The following CNTNAP2 variants were observed in gnomAD, a reference collection of about 807,000 sequenced individuals.
The protein encoded by CNTNAP2 is contactin-associated protein-like 2.
CNTNAP2 carries 98 observed loss-of-function variants against 155.2 expected under a neutral mutation model. The ratio of observed to expected loss-of-function variants is 0.63; its 90% confidence interval spans 0.54 to 0.75. The LOEUF is 0.75. Ranked by LOEUF, CNTNAP2 falls within the 30% of genes least tolerant of loss-of-function variation. CNTNAP2 has a pLI of 0.00. For synonymous variants in CNTNAP2, 651 were observed against 631.2 expected, an observed-to-expected ratio of 1.03 and a Z score of -0.47; for missense variants, 1,727 against 1,688.1, an observed-to-expected ratio of 1.02 and a Z score of -0.40.
At chr7:146,425,716 G>A (rs1187803325) in intron 1 of CNTNAP2, among the ~76,000 whole-genome samples, 1 of 152,174 alleles carries the variant, frequency 6.6e-6, no homozygotes, top group Non-Finnish European at 1.5e-5. Context: ...TGAGGGATAA[G>A]ATGTGCCAGA....
intron 1 of CNTNAP2, among the ~76,000 whole-genome samples, chr7:146,318,952 A>T (rs1316684115): frequency 6.6e-6 from 1 of 152,172 alleles, no homozygotes; most frequent in African/African-American, 2.4e-5. Context: ...CAGTCCTTGG[A>T]GACAGATATC....
intron 19 of CNTNAP2, among the ~76,000 whole-genome samples, chr7:148,221,926 T>C (rs577271505): frequency 6.6e-6 from 1 of 152,226 alleles, no homozygotes; most frequent in Admixed American, 6.5e-5. Flanking sequence ...CCCAGTAGTG[T>C]TTACGTCATG....
intron 1 of CNTNAP2, among the ~76,000 whole-genome samples, chr7:146,255,890 GT>G (rs1215716814): frequency 6.6e-6 from 1 of 152,190 alleles, no homozygotes; most frequent in East Asian, 1.9e-4. Context: ...GAGAAGGAAA[GT>G]GAAAACAAGA....
intron 15 of CNTNAP2, among the ~76,000 whole-genome samples, chr7:148,072,659 C>T (rs1294277116): frequency 6.6e-6 from 1 of 152,168 alleles, no homozygotes; most frequent in Non-Finnish European, 1.5e-5. Flanking sequence ...GGTTTTCTGA[C>T]CCTCAGCACT....
At chr7:148,271,708 C>G (rs1186522690) in intron 21 of CNTNAP2, among the ~76,000 whole-genome samples, 1 of 152,154 alleles carries the variant, frequency 6.6e-6, no homozygotes, top group Non-Finnish European at 1.5e-5. Context: ...ACTGGCCACC[C>G]CTTCAAGCCA....
intron 18 of CNTNAP2, among the ~76,000 whole-genome samples, chr7:148,209,237 C>T (rs6979516): frequency 0.017 from 2,569 of 151,998 alleles, 70 homozygotes; most frequent in African/African-American, 0.056. Context: ...ATGATCCTCC[C>T]GCCTCAGTAG....
intron 1 of CNTNAP2, among the ~76,000 whole-genome samples, chr7:146,633,852 A>AAAAAAAAAAAAAAAG (rs1799553211): frequency 6.7e-6 from 1 of 148,634 alleles, no homozygotes; most frequent in East Asian, 2.0e-4. Context: ...AAAAAAAAAA[A>AAAAAAAAAAAAAAAG]AAAACAGAAA....
At chr7:147,130,247 C>A (rs1228158078) in intron 7 of CNTNAP2, among the ~76,000 whole-genome samples, 3 of 150,624 alleles carry the variant, frequency 2.0e-5, no homozygotes, top group African/African-American at 7.5e-5. Context: ...GACCATGTCT[C>A]TACAACAAGT....
chr7:146,826,857 T>TATATATAGAGAGAGAG (rs773069615), intron 2 of CNTNAP2, among the ~76,000 whole-genome samples: 2 of 138,972 alleles, frequency 1.4e-5, no homozygotes, highest in African/African-American at 5.4e-5. Context: ...TATATATATA[T>TATATATAGAGAGAGAG]AGAGAGAGAG....
intron 13 of CNTNAP2, among the ~76,000 whole-genome samples, chr7:147,645,217 G>A (rs1795347362): frequency 6.6e-6 from 1 of 152,090 alleles, no homozygotes; most frequent in African/African-American, 2.4e-5. Context: ...AAGAAAACAT[G>A]ACTCTGGCAT....
At chr7:146,262,433 A>G (rs768944910) in intron 1 of CNTNAP2, among the ~76,000 whole-genome samples, 1 of 152,206 alleles carries the variant, frequency 6.6e-6, no homozygotes, top group Non-Finnish European at 1.5e-5. Context: ...TGGTTCCAGG[A>G]AATCCAGTTG....
intron 2 of CNTNAP2, among the ~76,000 whole-genome samples, chr7:146,799,059 C>T (rs990990060): frequency 6.6e-6 from 1 of 152,162 alleles, no homozygotes; most frequent in African/African-American, 2.4e-5. Flanking sequence ...AACCACATCA[C>T]TTGAATTGAT....
intron 13 of CNTNAP2, among the ~76,000 whole-genome samples, chr7:147,807,347 G>A (rs10255716): frequency 0.017 from 1,730 of 104,832 alleles, 32 homozygotes; most frequent in African/African-American, 0.056. Flanking sequence ...AAAAAAAAAC[G>A]AAAACAAAAA....
chr7:147,510,746 G>A (rs1294615324), intron 11 of CNTNAP2, among the ~76,000 whole-genome samples: 1 of 149,602 alleles, frequency 6.7e-6, no homozygotes, highest in Non-Finnish European at 1.5e-5. Context: ...AGGCTTGGTA[G>A]GTTAATATAT....
At chr7:146,648,685 A>G (rs530332303) in intron 1 of CNTNAP2, among the ~76,000 whole-genome samples, 2 of 152,140 alleles carry the variant, frequency 1.3e-5, no homozygotes, top group Non-Finnish European at 1.5e-5. Context: ...ATGCATATTT[A>G]TAACCTACAG....
intron 12 of CNTNAP2, among the ~76,000 whole-genome samples, chr7:147,589,791 CA>C (rs1554408695): frequency 5.9e-5 from 9 of 152,124 alleles, no homozygotes; most frequent in South Asian, 4.2e-4. Flanking sequence ...ATGAGTATCC[CA>C]GGGGTATATA....
At chr7:147,134,846 A>G (rs1041572478) in intron 8 of CNTNAP2, among the ~76,000 whole-genome samples, 3 of 152,028 alleles carry the variant, frequency 2.0e-5, no homozygotes, top group East Asian at 1.9e-4. Flanking sequence ...GAAGAATGTC[A>G]GTCCACTTCT....
intron 9 of CNTNAP2, among the ~76,000 whole-genome samples, chr7:147,379,529 A>G (rs1055453191): frequency 2.5e-4 from 38 of 152,080 alleles, no homozygotes; most frequent in African/African-American, 8.9e-4. Flanking sequence ...CATTTTTTCT[A>G]TTTTAAGTTC....
chr7:147,390,360 G>T (rs1302736136), intron 9 of CNTNAP2, among the ~76,000 whole-genome samples: 1 of 152,168 alleles, frequency 6.6e-6, no homozygotes, highest in African/African-American at 2.4e-5. Flanking sequence ...AAACTCAGTG[G>T]CTCAATGTAG....
Sources: gnomAD v4.1 joint callset for allele counts (sites outside exome capture counted in the v4.1 genomes callset) on GRCh38, gnomAD v4.1.1 for gene constraint, MANE v1.5 for transcripts, NCBI Gene and HGNC (gene_info 2026-07-23, HGNC 2026-07-21) for gene names.